MMP28: variants seen among roughly 807,000 people sequenced by gnomAD.
MMP28 encodes matrix metallopeptidase 28.
MMP28 carries 55 observed loss-of-function variants against 60.5 expected under a neutral mutation model. That is an observed-to-expected ratio of 0.91 (90% CI 0.73 to 1.14). MMP28 has a LOEUF of 1.14. MMP28 is among the 50% of genes most tolerant of loss of function. MMP28 has a pLI of 0.00. For synonymous variants in MMP28, 318 were observed against 312.5 expected (o/e 1.02, Z -0.18); for missense variants, 686 against 738.3 (o/e 0.93, Z 0.82).
At chr17:35,788,998 T>G (rs2086733678) in intron 1 of MMP28, among the ~76,000 whole-genome samples, 1 of 152,222 alleles carries the variant, frequency 6.6e-6, no homozygotes, top group South Asian at 2.1e-4. Context: ...TTTTCCTAAG[T>G]TGCCCACTGA....
intron 2 of MMP28, among the ~76,000 whole-genome samples, chr17:35,758,784 A>T (rs1365281398): frequency 6.6e-6 from 1 of 152,198 alleles, no homozygotes. Flanking sequence ...CTGACTTTTT[A>T]GGAAGGTCCC....
At chr17:35,774,238 G>A (rs1415993362) in intron 3 of MMP28, among the ~76,000 whole-genome samples, 1 of 152,156 alleles carries the variant, frequency 6.6e-6, no homozygotes, top group Non-Finnish European at 1.5e-5. Flanking sequence ...GCGTGCACCC[G>A]GCAGCAGCAT....
At chr17:35,793,200 G>A (rs537449175) in intron 1 of MMP28, among the ~76,000 whole-genome samples, 20 of 152,248 alleles carry the variant, frequency 1.3e-4, no homozygotes, top group African/African-American at 4.3e-4. Context: ...CCAAATTTAT[G>A]TTAAATAGAC....
At chr17:35,791,114 ATG>A (rs1403819840) in intron 1 of MMP28, among the ~76,000 whole-genome samples, 2 of 151,488 alleles carry the variant, frequency 1.3e-5, no homozygotes, top group African/African-American at 4.8e-5. Context: ...CTACTTTTAC[ATG>A]TGTTTTAAAG....
In MMP28 at chr17:35,765,931, C is replaced by T. The variant is rs1555602917; in HGVS notation, c.*569G>A. 1 of 985,332 alleles carries T rather than the reference C, an allele frequency of 1.0e-6. No individual in the cohort carries two copies. The highest frequency in any genetic ancestry group is 1.1e-4 in the East Asian group (1 of 8,830). The allele number at this position is 985,332 out of a possible 1,614,324, so 61.0% of individuals were successfully genotyped here. On this transcript the variant is annotated 3_prime_UTR_variant, in exon 8 of 8. Coordinates refer to ENST00000605424, the MANE Select transcript of MMP28 (RefSeq NM_024302.5). ...CCAGCCCCAGACAAAAAGCCAGGGACTGGTAGGCCTGCATCAGTCTCCCTC... is the reference window on the plus strand; with the variant it reads ...CCAGCCCCAGACAAAAAGCCAGGGATTGGTAGGCCTGCATCAGTCTCCCTC...
chr17:35,773,379 G>T lies in MMP28; in HGVS notation c.405C>A (p.Leu135=). 6.2e-7 allele frequency: 1 copy of T among 1,606,332 alleles called. No homozygotes were observed. ...KQGNKWYKQH[L]SYRLVNWPEH... is the part of the protein sequence containing the mutation. The stretch of plus-strand genomic sequence containing the variant: ...CAGGCCAGTTCACCAGGCGGTAGGA[G>T]AGGTGCTGCTTGTACCATTTGTTAC... The change falls in exon 4 of 8, where the codon CTC becomes CTA. Residue 135 remains leucine (L), a synonymous_variant. Coordinates refer to ENST00000605424, the MANE Select transcript of MMP28 (RefSeq NM_024302.5).
chr17:35,756,301 A>G (rs1339756485), exon 3 of MMP28: 1 of 585,620 alleles, frequency 1.7e-6, no homozygotes, highest in African/African-American at 2.1e-5. Context: ...GATCCAAAGT[A>G]GGCAAGTGGC....
intron 5 of MMP28, among the ~76,000 whole-genome samples, 199 bp from the exon 6 acceptor site, chr17:35,768,578 G>A (rs1472243315): frequency 2.6e-5 from 4 of 152,160 alleles, no homozygotes; most frequent in Admixed American, 1.3e-4. Context: ...TTGGGAGACC[G>A]AGGCAGGCAG....
At chr17:35,761,279 T>C (rs1356116041), downstream of MMP28, among the ~76,000 whole-genome samples, 2 of 151,642 alleles carry the variant, frequency 1.3e-5, no homozygotes, top group Non-Finnish European at 2.9e-5. Context: ...AATTTTTGTA[T>C]TTTGTATTTT....
intron 1 of MMP28, among the ~76,000 whole-genome samples, chr17:35,788,015 T>C (rs1216277994): frequency 1.3e-5 from 2 of 151,604 alleles, no homozygotes; most frequent in Non-Finnish European, 2.9e-5. Context: ...AAGTGATCCT[T>C]GTACCTCAGC....
chr17:35,771,323 C>T (rs760800508), intron 4 of MMP28, among the ~76,000 whole-genome samples: 36 of 143,798 alleles, frequency 2.5e-4, no homozygotes, highest in Admixed American at 5.8e-4. Context: ...CCCAGCTACT[C>T]GGGAGGCTGA....
intron 1 of MMP28, among the ~76,000 whole-genome samples, chr17:35,781,746 A>C (rs1017062121): frequency 6.6e-6 from 1 of 152,168 alleles, no homozygotes; most frequent in Non-Finnish European, 1.5e-5. Context: ...TTCTACCTAC[A>C]TAGCCTCAAT....
Position 35,795,604 on chromosome 17 carries a change from C to T in MMP28, c.-227G>A. 2.7e-6 allele frequency: 1 copy of T among 371,024 alleles called. No homozygotes were observed. The highest frequency in any genetic ancestry group is 3.9e-5 in the East Asian group (1 of 25,958). 23.0% of individuals were successfully genotyped at this position (371,024 alleles called of 1,614,324 possible). A position where few individuals can be genotyped will look rare whatever the true frequency, so the allele number is the denominator to read the frequency against. ...CGTCGTCCAGCCCGGGCAGTGCCTGCCCGCGGGTCCGCCGGCCCCGGGGAC... is the reference window on the plus strand; with the variant it reads ...CGTCGTCCAGCCCGGGCAGTGCCTGTCCGCGGGTCCGCCGGCCCCGGGGAC... On this transcript the variant is annotated 5_prime_UTR_variant, in exon 1 of 8. Transcript: ENST00000605424.
chr17:35,764,668 C>T (rs782133980), downstream of MMP28: 32 of 1,510,970 alleles, frequency 2.1e-5, no homozygotes, highest in Non-Finnish European at 2.7e-5. Flanking sequence ...TGGCCCCAGA[C>T]CCCCTACCGA....
At position 35,773,344 on chromosome 17, in the gene MMP28, G is replaced by A. The variant is rs879018115; in HGVS notation, c.440C>T (p.Pro147Leu). The change falls in exon 4 of 8, where the codon CCG becomes CTG. Residue 147 changes from proline to leucine, a missense_variant. Coordinates refer to ENST00000605424, the MANE Select transcript of MMP28 (RefSeq NM_024302.5). Reference sequence around the variant, plus strand: ...CACGGCGCCCCGAACTGCCGGCTCCGGCAGATGCTCAGGCCAGTTCACCAG... The same window carrying A: ...CACGGCGCCCCGAACTGCCGGCTCCAGCAGATGCTCAGGCCAGTTCACCAG... ...YRLVNWPEHL[P>L]EPAVRGAVRA... is the part of the protein sequence containing the mutation. The A allele has an allele frequency of 8.2e-5, 132 of 1,612,222 alleles. No homozygotes were observed. In the South Asian group the frequency reaches 1.2e-3, roughly 15 times the overall value.
At chr17:35,791,584 A>T (rs1415942332) in intron 1 of MMP28, among the ~76,000 whole-genome samples, 2 of 152,224 alleles carry the variant, frequency 1.3e-5, no homozygotes, top group African/African-American at 4.8e-5. Flanking sequence ...GACAAGGGAA[A>T]TAAGTGTTTT....
chr17:35,784,366 T>C (rs1255276957), intron 1 of MMP28, among the ~76,000 whole-genome samples: 1 of 151,980 alleles, frequency 6.6e-6, no homozygotes, highest in Non-Finnish European at 1.5e-5. Flanking sequence ...TTAACATGTG[T>C]ATATTCAAAA....
downstream of MMP28, among the ~76,000 whole-genome samples, chr17:35,762,083 T>G (rs1555601649): frequency 6.6e-6 from 1 of 152,000 alleles, no homozygotes; most frequent in East Asian, 1.9e-4. Context: ...CTCCGACCCC[T>G]GGGTTCAAGC....
chr17:35,795,443 C>A lies in MMP28; in HGVS notation c.-66G>T. On this transcript the variant is annotated 5_prime_UTR_variant, in exon 1 of 8. Transcript: ENST00000605424. The stretch of plus-strand genomic sequence containing the variant: ...GCGCAGGGAACCAGCCGGCAGTCAG[C>A]CGCGCCCGGGACCCCGGGGATGGGA... The A allele has an allele frequency of 8.2e-7, 1 of 1,218,924 alleles. No homozygotes were observed. The highest frequency in any genetic ancestry group is 3.2e-5 in the East Asian group (1 of 31,572). The allele number at this position is 1,218,924 out of a possible 1,614,324, so 75.5% of individuals were successfully genotyped here.
Sources: allele counts gnomAD v4.1 joint callset (sites outside exome capture counted in the v4.1 genomes callset), GRCh38; gene constraint gnomAD v4.1.1; transcripts MANE v1.5; gene names NCBI Gene and HGNC (gene_info 2026-07-23, HGNC 2026-07-21).